KCND3: variants seen among roughly 807,000 people sequenced by gnomAD.
KCND3 encodes the protein potassium voltage-gated channel subfamily D member 3.
Under a neutral mutation model 51.1 loss-of-function variants are expected in KCND3, and 9 were observed. That is an observed-to-expected ratio of 0.18 (90% CI 0.11 to 0.31). The LOEUF (loss-of-function observed/expected upper bound fraction) is 0.31. Among genes scored for constraint, KCND3 ranks in the 10% least tolerant of loss-of-function variants. The pLI is 1.00. For missense variants in KCND3, 526 were observed against 903.8 expected (o/e 0.58, Z 5.36); for synonymous variants, 349 against 368.0 (o/e 0.95, Z 0.59).
chr1:111,978,594 A>G (rs1188882335), intron 2 of KCND3, among the ~76,000 whole-genome samples: 1 of 152,190 alleles, frequency 6.6e-6, no homozygotes, highest in Non-Finnish European at 1.5e-5. Flanking sequence ...TGAAACCTCC[A>G]GTAAAGACAA....
intron 2 of KCND3, among the ~76,000 whole-genome samples, chr1:111,968,251 G>C (rs1244075929): frequency 1.3e-5 from 2 of 152,106 alleles, no homozygotes; most frequent in Non-Finnish European, 1.5e-5. Context: ...AAAGAAAGGA[G>C]AGAAGGGGGA....
intron 2 of KCND3, among the ~76,000 whole-genome samples, chr1:111,822,368 C>T (rs541535869): frequency 2.6e-5 from 4 of 152,074 alleles, no homozygotes; most frequent in Non-Finnish European, 5.9e-5. Flanking sequence ...AACTCCATAC[C>T]CTCTCTTCTT....
At chr1:111,806,773 C>T (rs753179537) in intron 2 of KCND3, among the ~76,000 whole-genome samples, 2 of 152,120 alleles carry the variant, frequency 1.3e-5, no homozygotes, top group Non-Finnish European at 2.9e-5. Flanking sequence ...CCCACCCTTG[C>T]CTTTAAAAAA....
rs577943829 is a variant in KCND3 at position 111,794,399 on chromosome 1, T to C, written c.1107-7293A>G. 2.3e-3 allele frequency among the ~76,000 whole-genome samples: 357 copies of C among 152,324 alleles called. 3 individuals are homozygous for C. Among genetic ancestry groups the C allele is most frequent in the African/African-American group, 8.4e-3 (349 of 41,578 alleles). On this transcript the variant is annotated intron_variant, in intron 2 of 7. Coordinates refer to ENST00000302127, the MANE Select transcript of KCND3 (RefSeq NM_001378969.1). ...GTGTGGTGGGGAGTCCATTCTTTAC[T>C]GGAGACCAGGGCACTGGCCGGTTAG...
At chr1:111,827,492 G>A (rs191562269) in intron 2 of KCND3, among the ~76,000 whole-genome samples, 60 of 152,298 alleles carry the variant, frequency 3.9e-4, no homozygotes, top group African/African-American at 1.3e-3. Context: ...TGCCTCCATC[G>A]CAAGTTAAGC....
chr1:111,817,199 A>AAAG (rs397949207), intron 2 of KCND3, among the ~76,000 whole-genome samples: 106 of 151,718 alleles, frequency 7.0e-4, no homozygotes, highest in African/African-American at 2.5e-3. Context: ...AAAAAAAAAA[A>AAAG]TGAAGTGGGG....
At chr1:111,827,820 C>T (rs1353256547) in intron 2 of KCND3, among the ~76,000 whole-genome samples, 1 of 152,136 alleles carries the variant, frequency 6.6e-6, no homozygotes, top group Non-Finnish European at 1.5e-5. Flanking sequence ...TCCAGGATAC[C>T]CTGATGACCA....
At chr1:111,954,776 C>T (rs890636660) in intron 2 of KCND3, among the ~76,000 whole-genome samples, 1 of 152,238 alleles carries the variant, frequency 6.6e-6, no homozygotes, top group Non-Finnish European at 1.5e-5. Context: ...AGAATTCCGT[C>T]TTTCTCCTCT....
intron 2 of KCND3, among the ~76,000 whole-genome samples, chr1:111,884,906 G>A (rs1323790202): frequency 6.6e-6 from 1 of 152,084 alleles, no homozygotes. Context: ...TTGGGGGTGA[G>A]TATGGCGATG....
chr1:111,787,049 G>A lies in KCND3; in HGVS notation c.1164C>T (p.Ser388=), dbSNP rs773440329. The A allele has an allele frequency of 1.2e-6, 2 of 1,614,192 alleles. No individual in the cohort carries two copies. Among genetic ancestry groups the A allele is most frequent in the Non-Finnish European group, 1.7e-6 (2 of 1,180,026 alleles). Reference sequence around the variant, plus strand: ...GGGCAATGACCAGGACGCCACTCAAGGAGCAGATGGAGCCGAAGATCTTCC... The same window carrying A: ...GGGCAATGACCAGGACGCCACTCAAAGAGCAGATGGAGCCGAAGATCTTCC... The part of the protein sequence containing the change: ...IAGKIFGSIC[S]LSGVLVIALP... Residue 388 remains serine (S), a synonymous_variant, in exon 3 of 8, where the codon TCC becomes TCT. Transcript: ENST00000302127.
chr1:111,960,390 T>G (rs1318958096), intron 2 of KCND3, among the ~76,000 whole-genome samples: 2 of 152,176 alleles, frequency 1.3e-5, no homozygotes, highest in African/African-American at 4.8e-5. Flanking sequence ...AGCTGCTTGA[T>G]AAAGCCGTAT....
intron 2 of KCND3, among the ~76,000 whole-genome samples, chr1:111,793,154 C>A (rs570123039): frequency 6.6e-6 from 1 of 150,910 alleles, no homozygotes; most frequent in African/African-American, 2.4e-5. Flanking sequence ...TGTGAGCAAT[C>A]ACACCCAGCC....
At chr1:111,927,679 A>G (rs1671772987) in intron 2 of KCND3, among the ~76,000 whole-genome samples, 1 of 152,156 alleles carries the variant, frequency 6.6e-6, no homozygotes, top group African/African-American at 2.4e-5. Flanking sequence ...TCCAACAAGC[A>G]TTCACTGAGT....
At chr1:111,950,838 C>A (rs1443800896) in intron 2 of KCND3, among the ~76,000 whole-genome samples, 1 of 152,120 alleles carries the variant, frequency 6.6e-6, no homozygotes, top group Admixed American at 6.5e-5. Context: ...AGGCAGGATG[C>A]CCTGTGATAG....
intron 2 of KCND3, among the ~76,000 whole-genome samples, chr1:111,819,764 C>G (rs767489863): frequency 6.6e-6 from 1 of 152,200 alleles, no homozygotes; most frequent in Admixed American, 6.5e-5. Flanking sequence ...GAAGGTCTCC[C>G]AGCACCTGTC....
rs185497648 is a variant in KCND3 at position 111,851,914 on chromosome 1, C to T, written c.1107-64808G>A. Among the ~76,000 whole-genome samples the T allele has an allele frequency of 7.7e-3, 1,166 of 152,334 alleles. 18 individuals carry two copies. Among genetic ancestry groups the T allele is most frequent in the African/African-American group, 0.027 (1,106 of 41,564 alleles). On this transcript the variant is annotated intron_variant, in intron 2 of 7. Transcript: ENST00000302127. ...AGTAAGGTGCAAAGGATGTTTACCA[C>T]GACAGCCAGCAACTTGGTTTGGCTC...
chr1:111,952,065 T>C (rs969344349), intron 2 of KCND3, among the ~76,000 whole-genome samples: 2 of 152,176 alleles, frequency 1.3e-5, no homozygotes. Flanking sequence ...CCAGGGCACA[T>C]CTGCATCCAA....
At chr1:111,787,223 G>T in intron 2 of KCND3, 117 bp from the exon 3 acceptor site, 1 of 1,075,960 alleles carries the variant, frequency 9.3e-7, no homozygotes, top group East Asian at 2.5e-5. Context: ...ATTGCTTAGA[G>T]TATCTACTAT....
At chr1:111,818,789 T>A (rs1398948447) in intron 2 of KCND3, among the ~76,000 whole-genome samples, 1 of 152,148 alleles carries the variant, frequency 6.6e-6, no homozygotes, top group African/African-American at 2.4e-5. Flanking sequence ...TGGCTCAAGC[T>A]GGCTGACAGG....
Sources: gnomAD v4.1 joint callset for allele counts (sites outside exome capture counted in the v4.1 genomes callset) on GRCh38, gnomAD v4.1.1 for gene constraint, MANE v1.5 for transcripts, NCBI Gene and HGNC (gene_info 2026-07-23, HGNC 2026-07-21) for gene names.